Variants in RABGAP1L observed in about 807,000 individuals in gnomAD.
RABGAP1L encodes RAB GTPase activating protein 1 like, also known as rab GTPase-activating protein 1-like.
RABGAP1L carries 63 observed loss-of-function variants against 137.7 expected under a neutral mutation model. That is an observed-to-expected ratio of 0.46 (90% CI 0.37 to 0.56). The LOEUF is 0.56. Among genes scored for constraint, RABGAP1L ranks in the 20% least tolerant of loss-of-function variants. RABGAP1L has a pLI of 0.00. For synonymous variants in RABGAP1L, 431 were observed against 433.7 expected (o/e 0.99, Z 0.08); for missense variants, 1,095 against 1,244.0 (o/e 0.88, Z 1.80).
At chr1:174,417,806 TAGAAGTCTAAAAGC>T (rs1363833791) in intron 13 of RABGAP1L, among the ~76,000 whole-genome samples, 3 of 151,892 alleles carry the variant, frequency 2.0e-5, no homozygotes, top group Non-Finnish European at 4.4e-5. Context: ...ACAGTTAACA[TAGAAGTCTAAAAGC>T]TGAGTTACCC....
intron 13 of RABGAP1L, among the ~76,000 whole-genome samples, chr1:174,619,357 A>G (rs1433852528): frequency 6.6e-6 from 1 of 152,232 alleles, no homozygotes; most frequent in Admixed American, 6.5e-5. Flanking sequence ...CACAGTGGAA[A>G]TGAAGGAAAA....
At chr1:174,439,167 A>G (rs972840701) in intron 13 of RABGAP1L, among the ~76,000 whole-genome samples, 1 of 151,236 alleles carries the variant, frequency 6.6e-6, no homozygotes, top group African/African-American at 2.4e-5. Flanking sequence ...TTAATATTTC[A>G]CCATTAAATA....
intron 13 of RABGAP1L, among the ~76,000 whole-genome samples, chr1:174,402,172 TAA>T (rs1648676426): frequency 6.6e-6 from 1 of 152,128 alleles, no homozygotes; most frequent in African/African-American, 2.4e-5. Context: ...ACAGCTTCTG[TAA>T]TATGATTCCC....
chr1:174,940,360 A>T (rs1223801315), intron 19 of RABGAP1L, among the ~76,000 whole-genome samples: 1 of 150,748 alleles, frequency 6.6e-6, no homozygotes, highest in African/African-American at 2.4e-5. Context: ...CCTCAAACTT[A>T]TGGGCTTAAG....
chr1:174,622,339 C>G (rs1402312222), intron 13 of RABGAP1L, among the ~76,000 whole-genome samples: 1 of 152,156 alleles, frequency 6.6e-6, no homozygotes, highest in African/African-American at 2.4e-5. Context: ...TTTGACCCAG[C>G]CATCCCATTA....
chr1:174,226,038 C>T (rs190554785), intron 3 of RABGAP1L, among the ~76,000 whole-genome samples: 1 of 152,048 alleles, frequency 6.6e-6, no homozygotes, highest in Non-Finnish European at 1.5e-5. Context: ...GAAAACAAAA[C>T]AGAAACAAGT....
intron 17 of RABGAP1L, among the ~76,000 whole-genome samples, chr1:174,745,698 G>A (rs1295235484): frequency 6.6e-6 from 1 of 152,086 alleles, no homozygotes; most frequent in African/African-American, 2.4e-5. Flanking sequence ...TGGATATAAT[G>A]GGCAATAAAT....
intron 1 of RABGAP1L, among the ~76,000 whole-genome samples, chr1:174,185,125 T>G (rs560978529): frequency 1.3e-5 from 2 of 152,232 alleles, no homozygotes; most frequent in Non-Finnish European, 2.9e-5. Context: ...AGGAGGAACC[T>G]GGGAGAGATC....
rs59692051 is a variant in RABGAP1L, at chr1:174,607,665, C to G, written c.1711-29710C>G. Among the ~76,000 whole-genome samples, 7 of 152,302 alleles carry G rather than the reference C, an allele frequency of 4.6e-5. No individual in the cohort carries two copies. The East Asian group carries it at 7.7e-4, about 17-fold the overall frequency. On this transcript the variant is annotated intron_variant, in intron 13 of 25. Transcript: ENST00000681986. ...TTTTATTTCAGGGCTGTATCACTTA[C>G]ATTAGGAGATTGAATACAATATCAC...
intron 18 of RABGAP1L, among the ~76,000 whole-genome samples, chr1:174,810,821 G>T (rs758596024): frequency 3.5e-4 from 53 of 151,902 alleles, no homozygotes; most frequent in Non-Finnish European, 6.9e-4. Context: ...TAACCTTCAG[G>T]TTACAGTGAC....
At chr1:174,576,447 C>T (rs1292709188) in intron 13 of RABGAP1L, among the ~76,000 whole-genome samples, 1 of 152,172 alleles carries the variant, frequency 6.6e-6, no homozygotes, top group Non-Finnish European at 1.5e-5. Flanking sequence ...TGAAACCTCC[C>T]TGACTGCACA....
At chr1:174,755,531 T>C (rs377526701) in intron 18 of RABGAP1L, among the ~76,000 whole-genome samples, 17 of 152,186 alleles carry the variant, frequency 1.1e-4, no homozygotes, top group African/African-American at 3.9e-4. Context: ...CTTCCCAAAG[T>C]ATTATATGCT....
chr1:174,835,021 A>C (rs1039162852), intron 19 of RABGAP1L, among the ~76,000 whole-genome samples: 4 of 152,148 alleles, frequency 2.6e-5, no homozygotes, highest in Admixed American at 6.5e-5. Context: ...GGTGAGAGGG[A>C]GATATGACTT....
intron 19 of RABGAP1L, among the ~76,000 whole-genome samples, chr1:174,870,323 G>T (rs190532284): frequency 1.3e-5 from 2 of 152,192 alleles, no homozygotes; most frequent in African/African-American, 2.4e-5. Flanking sequence ...TTCCATGAAG[G>T]CTTCCCCATC....
chr1:174,895,939 A>G (rs1657080048), intron 19 of RABGAP1L, among the ~76,000 whole-genome samples: 1 of 152,154 alleles, frequency 6.6e-6, no homozygotes, highest in East Asian at 1.9e-4. Context: ...ATAATTTCTA[A>G]TCCTTTGGGT....
chr1:174,365,476 G>C (rs1385965809), intron 11 of RABGAP1L, among the ~76,000 whole-genome samples: 2 of 152,014 alleles, frequency 1.3e-5, no homozygotes, highest in Non-Finnish European at 2.9e-5. Context: ...TCAGCCCGCA[G>C]TGTTGAGGCT....
intron 11 of RABGAP1L, among the ~76,000 whole-genome samples, chr1:174,329,620 T>C (rs966236461): frequency 6.6e-6 from 1 of 152,070 alleles, no homozygotes; most frequent in Non-Finnish European, 1.5e-5. Flanking sequence ...ATTAAAAAGG[T>C]AATTCACCAT....
rs143836888 is a variant in RABGAP1L at position 174,669,224 on chromosome 1, A to G, written c.1825-14298A>G. 6.8e-3 allele frequency among the ~76,000 whole-genome samples: 1,035 copies of G among 152,222 alleles called. 13 individuals are homozygous for G. Among genetic ancestry groups the G allele is most frequent in the African/African-American group, 0.023 (975 of 41,520 alleles). ...ATGCAGGAGGAACTACCAAACACTTATAAAACTATCAGTTCTCATGAGAAC... is the reference window on the plus strand; with the variant it reads ...ATGCAGGAGGAACTACCAAACACTTGTAAAACTATCAGTTCTCATGAGAAC... On this transcript the variant is annotated intron_variant, in intron 14 of 25. Transcript: ENST00000681986.
At position 174,208,661 on chromosome 1, in the gene RABGAP1L, T is replaced by C. The variant is rs1668665594; in HGVS notation, c.-33-10464T>C. ...TAATACATTGTTGGATATGGTTTTC[T>C]AATATTTTGTTAAGAATTTTTGTAT... On this transcript the variant is annotated intron_variant, in intron 1 of 25. Transcript: ENST00000681986. Among the ~76,000 whole-genome samples, 9 of 152,354 alleles carry C rather than the reference T, an allele frequency of 5.9e-5. No individual in the cohort carries two copies. In the South Asian group the frequency reaches 1.9e-3, roughly 32 times the overall value.
Sources: allele counts gnomAD v4.1 joint callset (sites outside exome capture counted in the v4.1 genomes callset), GRCh38; gene constraint gnomAD v4.1.1; transcripts MANE v1.5; gene names NCBI Gene and HGNC (gene_info 2026-07-23, HGNC 2026-07-21).